Variants in FAM227B observed in about 807,000 individuals in gnomAD.
The protein encoded by FAM227B is family with sequence similarity 227 member B.
In FAM227B, 88 loss-of-function variants were observed where a neutral mutation model predicts 73.8. The observed-to-expected ratio is 1.19, with a 90% CI of 1.00 to 1.42. FAM227B has a LOEUF of 1.42. FAM227B is among the 40% of genes most tolerant of loss of function. The probability of loss-of-function intolerance (pLI) is 0.00; values close to 1 mark genes in which losing one functional copy is unlikely to be tolerated. For synonymous variants in FAM227B, 210 were observed against 190.5 expected (o/e 1.10, Z -0.84); for missense variants, 632 against 590.9 (o/e 1.07, Z -0.72).
In FAM227B at chr15:49,450,913, G is replaced by A. The variant is rs200310949; in HGVS notation, c.1012+57298C>T. On this transcript the variant is annotated intron_variant, in intron 11 of 15. Transcript: ENST00000299338. ...TATTTGGGAAAAAAACTAAACTAGA[G>A]ATATAGTTAGTATAGCTACAGCTAA... Among the ~76,000 whole-genome samples the A allele has an allele frequency of 3.3e-5, 5 of 152,104 alleles. No homozygotes were observed. In the East Asian group the frequency reaches 9.6e-4, roughly 29 times the overall value.
chr15:49,618,261 G>C (rs1265578365), intron 1 of FAM227B, among the ~76,000 whole-genome samples: 2 of 152,014 alleles, frequency 1.3e-5, no homozygotes, highest in African/African-American at 2.4e-5. Flanking sequence ...ATTAAACAAA[G>C]AAAAAGGAAA....
At chr15:49,492,611 C>T (rs1312629429) in intron 11 of FAM227B, among the ~76,000 whole-genome samples, 1 of 151,830 alleles carries the variant, frequency 6.6e-6, no homozygotes. Context: ...ATAAATCTTC[C>T]TAATTATCTC....
chr15:49,350,524 A>G (rs1388843850), intron 13 of FAM227B, among the ~76,000 whole-genome samples: 1 of 152,150 alleles, frequency 6.6e-6, no homozygotes, highest in Non-Finnish European at 1.5e-5. Flanking sequence ...TACCAAGGTT[A>G]TAAGAATAGT....
chr15:49,526,032 T>A (rs960597047), intron 10 of FAM227B, among the ~76,000 whole-genome samples: 3 of 151,988 alleles, frequency 2.0e-5, no homozygotes, highest in Non-Finnish European at 4.4e-5. Flanking sequence ...GGACTTAAAC[T>A]GGACTCTAGA....
intron 11 of FAM227B, among the ~76,000 whole-genome samples, chr15:49,464,491 T>A (rs1199944881): frequency 6.6e-6 from 1 of 152,166 alleles, no homozygotes; most frequent in African/African-American, 2.4e-5. Context: ...ATTCATGAAC[T>A]AAGCTAATGA....
intron 11 of FAM227B, among the ~76,000 whole-genome samples, chr15:49,377,478 CACAA>C (rs1198946021): frequency 6.6e-6 from 1 of 152,056 alleles, no homozygotes; most frequent in African/African-American, 2.4e-5. Flanking sequence ...TTTACATTTC[CACAA>C]ACAGTGTATG....
chr15:49,587,686 A>G (rs1291603523), intron 5 of FAM227B, among the ~76,000 whole-genome samples: 2 of 152,124 alleles, frequency 1.3e-5, no homozygotes, highest in African/African-American at 4.8e-5. Flanking sequence ...GTCATCAAAA[A>G]GAATTATTAA....
intron 11 of FAM227B, among the ~76,000 whole-genome samples, chr15:49,435,202 C>T (rs367982044): frequency 9.2e-5 from 14 of 151,668 alleles, no homozygotes; most frequent in African/African-American, 3.4e-4. Flanking sequence ...ATAAGTGTAA[C>T]TTACCTATGT....
chr15:49,429,304 G>A (rs1051061486), intron 11 of FAM227B, among the ~76,000 whole-genome samples: 1 of 151,892 alleles, frequency 6.6e-6, no homozygotes, highest in Non-Finnish European at 1.5e-5. Context: ...TATGAAGAAT[G>A]GATAAACTGC....
chr15:49,362,753 T>C (rs2044461170), intron 13 of FAM227B, among the ~76,000 whole-genome samples: 1 of 146,336 alleles, frequency 6.8e-6, no homozygotes, highest in Non-Finnish European at 1.5e-5. Context: ...TTTTAATAGG[T>C]TTAGGTCTTA....
At chr15:49,332,098 C>G (rs1395112451) in intron 14 of FAM227B, among the ~76,000 whole-genome samples, 1 of 143,414 alleles carries the variant, frequency 7.0e-6, no homozygotes, top group African/African-American at 3.0e-5. Context: ...CACACACACA[C>G]ACACACACAC....
rs1162968069 is a variant in FAM227B, at chr15:49,589,927, T to C, written c.186A>G (p.Ser62=). The C allele has an allele frequency of 3.1e-6, 5 of 1,601,014 alleles. No individual in the cohort carries two copies. Among genetic ancestry groups the C allele is most frequent in the Non-Finnish European group, 4.3e-6 (5 of 1,168,146 alleles). ...ATAGGTGTGTATAAATTGAAACAAATGAACTATCTTCTTTTATTTTTTTCA... is the reference window on the plus strand; with the variant it reads ...ATAGGTGTGTATAAATTGAAACAAACGAACTATCTTCTTTTATTTTTTTCA... ...CTLKKIKEDS[S]FVSIYTHLWE... is the part of the protein sequence containing the mutation. The change falls in exon 4 of 16, where the codon TCA becomes TCG. Residue 62 remains serine (S), a synonymous_variant. Coordinates refer to ENST00000299338, the MANE Select transcript of FAM227B (RefSeq NM_152647.3).
intron 3 of FAM227B, among the ~76,000 whole-genome samples, chr15:49,599,530 T>C (rs751032013): frequency 2.6e-5 from 4 of 152,114 alleles, no homozygotes; most frequent in Non-Finnish European, 4.4e-5. Flanking sequence ...ATAAGTTAGA[T>C]TGTTTATCTG....
intron 11 of FAM227B, among the ~76,000 whole-genome samples, chr15:49,407,787 AC>A (rs957038900): frequency 1.3e-5 from 2 of 151,718 alleles, no homozygotes; most frequent in African/African-American, 4.8e-5. Context: ...AACTACCCCC[AC>A]AATCAAGATA....
chr15:49,397,241 G>T (rs1159860380), intron 11 of FAM227B, among the ~76,000 whole-genome samples: 1 of 152,138 alleles, frequency 6.6e-6, no homozygotes, highest in African/African-American at 2.4e-5. Context: ...AGAAGAAAGG[G>T]TATCAGCCAT....
At chr15:49,528,886 T>C (rs1278920711) in intron 10 of FAM227B, among the ~76,000 whole-genome samples, 2 of 151,664 alleles carry the variant, frequency 1.3e-5, no homozygotes, top group Admixed American at 1.3e-4. Flanking sequence ...GAATGTATAA[T>C]ACAGTAACTC....
chr15:49,478,033 T>C (rs2055519514), intron 11 of FAM227B, among the ~76,000 whole-genome samples: 1 of 152,218 alleles, frequency 6.6e-6, no homozygotes, highest in African/African-American at 2.4e-5. Context: ...ACCCAGGTAC[T>C]GAGCGTAGTA....
intron 11 of FAM227B, among the ~76,000 whole-genome samples, chr15:49,496,613 C>T (rs986465041): frequency 2.6e-5 from 4 of 152,048 alleles, no homozygotes. Flanking sequence ...GTTTGGAAGG[C>T]AAATTTTAAC....
intron 5 of FAM227B, among the ~76,000 whole-genome samples, chr15:49,579,064 A>G (rs1239319721): frequency 6.6e-6 from 1 of 152,224 alleles, no homozygotes; most frequent in Non-Finnish European, 1.5e-5. Context: ...AAAACGTTCA[A>G]CATCACAAAT....
Sources: allele counts gnomAD v4.1 joint callset (sites outside exome capture counted in the v4.1 genomes callset), GRCh38; gene constraint gnomAD v4.1.1; transcripts MANE v1.5; gene names NCBI Gene and HGNC (gene_info 2026-07-23, HGNC 2026-07-21).